The following PGAP4 variants were observed in gnomAD, a reference collection of about 807,000 sequenced individuals.
PGAP4 encodes GPI-N-acetylgalactosamine transferase PGAP4.
Under a neutral mutation model 28.2 loss-of-function variants are expected in PGAP4, and 12 were observed. The observed-to-expected ratio is 0.42, with a 90% CI of 0.27 to 0.69. PGAP4 has a LOEUF of 0.69. Among genes scored for constraint, PGAP4 ranks in the 30% least tolerant of loss-of-function variants. PGAP4 has a pLI of 0.22. For synonymous variants in PGAP4, 205 were observed against 211.8 expected (o/e 0.97, Z 0.28); for missense variants, 425 against 513.5 (o/e 0.83, Z 1.67).
Position 101,532,050 on chromosome 9 carries a change from G to A in PGAP4, c.-376-491C>T, listed in dbSNP as rs529026969. Among the ~76,000 whole-genome samples the A allele has an allele frequency of 9.9e-5, 15 of 152,266 alleles. No individual in the cohort carries two copies. The South Asian group carries it at 1.2e-3, about 13-fold the overall frequency. ...TTTGGGAGGCTGAGGTGGATGGATC[G>A]TCCGAGGTCAGGAGTTTGAGACCGG... On this transcript the variant is annotated intron_variant, in intron 1 of 3. Transcript: ENST00000374851.
In PGAP4 at chr9:101,486,369, C is replaced by T. The variant is rs1289923551; in HGVS notation, c.-78+580G>A. ...TGGTTTTTCCTGGTCCTGGGAGGGA[C>T]GCCTTCCTCTGCCCAGTCGCCCTCC... On this transcript the variant is annotated intron_variant, in intron 1 of 1. Transcript: ENST00000374848. This position sits in a 1 kb window ranked among gnomAD's most constrained non-coding sequence, Gnocchi z 4.7. 6.6e-6 allele frequency among the ~76,000 whole-genome samples: 1 copy of T among 152,182 alleles called. No homozygotes were observed. The highest frequency in any genetic ancestry group is 1.5e-5 in the Non-Finnish European group (1 of 68,020).
intron 2 of PGAP4, among the ~76,000 whole-genome samples, chr9:101,495,607 G>C (rs1467530574): frequency 6.7e-6 from 1 of 148,934 alleles, no homozygotes; most frequent in East Asian, 1.9e-4. Context: ...GTTTAAAACA[G>C]AATTACAGGT....
At chr9:101,501,735 G>A (rs1484448109) in intron 2 of PGAP4, 2 of 519,054 alleles carry the variant, frequency 3.9e-6, no homozygotes, top group African/African-American at 1.9e-5. Flanking sequence ...TTGTTCCAGG[G>A]CTCTGGGTTA....
rs139045901 is a variant in PGAP4 at position 101,508,795 on chromosome 9, C to T, written c.-164-19595G>A. Among the ~76,000 whole-genome samples the T allele has an allele frequency of 2.0e-3, 308 of 152,230 alleles. 2 individuals are homozygous for T. In the Middle Eastern group the frequency reaches 0.02, roughly 10 times the overall value. On this transcript the variant is annotated intron_variant, in intron 2 of 3. Transcript: ENST00000374851. ...ATGCAGAATCTACGGGAGCCCTGAG[C>T]TCGTTTTCCTGCAATTAGATGGCCC...
At chr9:101,501,712 A>G (rs567168437) in intron 2 of PGAP4, 1 of 519,318 alleles carries the variant, frequency 1.9e-6, no homozygotes, top group Admixed American at 1.9e-5. Flanking sequence ...TGTATAGATC[A>G]TTGGGACCCA....
intron 2 of PGAP4, among the ~76,000 whole-genome samples, chr9:101,530,330 C>T (rs959238678): frequency 6.6e-6 from 1 of 151,876 alleles, no homozygotes; most frequent in Non-Finnish European, 1.5e-5. Flanking sequence ...TAATGAAGAC[C>T]GGCTGGAGGT....
At chr9:101,512,371 T>C (rs1238529639) in intron 2 of PGAP4, among the ~76,000 whole-genome samples, 4 of 152,150 alleles carry the variant, frequency 2.6e-5, no homozygotes, top group Admixed American at 1.3e-4. Context: ...GCTTTAACCC[T>C]TACAAAGAAA....
rs116857614 is a variant in PGAP4, at chr9:101,526,306, A to T, written c.-165+5042T>A. Among the ~76,000 whole-genome samples, 81 of 152,358 alleles carry T rather than the reference A, an allele frequency of 5.3e-4. 2 individuals carry two copies. In the East Asian group the frequency reaches 9.6e-3, roughly 18 times the overall value. On this transcript the variant is annotated intron_variant, in intron 2 of 3. Coordinates refer to the PGAP4 transcript ENST00000374851. The stretch of plus-strand genomic sequence containing the variant: ...GAAAAAGAGAAAGGGAATAGTCTTC[A>T]AGGTTAACTGAATATTTGAAATGTC...
chr9:101,513,528 T>C (rs1447083206), intron 2 of PGAP4, among the ~76,000 whole-genome samples: 7 of 152,204 alleles, frequency 4.6e-5, no homozygotes, highest in Non-Finnish European at 1.5e-5. Context: ...CCCACAGATG[T>C]GCTAAGTGCC....
intron 1 of PGAP4, among the ~76,000 whole-genome samples, chr9:101,480,429 T>G (rs1414927349): frequency 2.0e-5 from 3 of 152,128 alleles, no homozygotes; most frequent in Non-Finnish European, 4.4e-5. Context: ...AGGGGAATAG[T>G]GCACCACAAG....
chr9:101,515,892 T>C (rs1034873304), intron 2 of PGAP4, among the ~76,000 whole-genome samples: 7 of 152,130 alleles, frequency 4.6e-5, no homozygotes, highest in African/African-American at 1.7e-4. Flanking sequence ...GACTAGTTAA[T>C]GATAGTGTAT....
At chr9:101,492,122 A>T (rs111261707), upstream of PGAP4, among the ~76,000 whole-genome samples, 50 of 151,536 alleles carry the variant, frequency 3.3e-4, no homozygotes, top group African/African-American at 4.8e-5. Flanking sequence ...TTTGTTTCAT[A>T]TGTTTTTTGC....
chr9:101,502,480 C>T (rs1826812074), intron 2 of PGAP4, among the ~76,000 whole-genome samples: 1 of 151,948 alleles, frequency 6.6e-6, no homozygotes, highest in South Asian at 2.1e-4. Flanking sequence ...CAGCCAAATA[C>T]CTCCAATGAC....
At chr9:101,516,582 C>T (rs1826945194) in intron 2 of PGAP4, among the ~76,000 whole-genome samples, 1 of 152,092 alleles carries the variant, frequency 6.6e-6, no homozygotes, top group Non-Finnish European at 1.5e-5. Flanking sequence ...TTAAATGGTG[C>T]AATTTAAATT....
chr9:101,504,216 T>G (rs1202205646), intron 2 of PGAP4, among the ~76,000 whole-genome samples: 3,095 of 134,390 alleles, frequency 0.023, 127 homozygotes, highest in Admixed American at 0.035. Flanking sequence ...TTTGTTTTTT[T>G]TTTTTTTTTT....
chr9:101,514,279 G>A (rs563018329), intron 2 of PGAP4, among the ~76,000 whole-genome samples: 4 of 152,094 alleles, frequency 2.6e-5, no homozygotes, highest in South Asian at 2.1e-4. Context: ...CATTCCTTTC[G>A]TGTCTCTCAT....
At chr9:101,504,338 T>C (rs1286649038) in intron 2 of PGAP4, among the ~76,000 whole-genome samples, 1 of 151,472 alleles carries the variant, frequency 6.6e-6, no homozygotes, top group African/African-American at 2.4e-5. Context: ...AGTTTCCCTG[T>C]ATTTGTAGGT....
intron 2 of PGAP4, among the ~76,000 whole-genome samples, chr9:101,516,504 A>T (rs563381865): frequency 6.6e-6 from 1 of 152,146 alleles, no homozygotes; most frequent in Non-Finnish European, 1.5e-5. Flanking sequence ...TTGCCAAATG[A>T]TTGGAATTGT....
chr9:101,523,619 CTTT>C (rs71356369), intron 2 of PGAP4, among the ~76,000 whole-genome samples: 64 of 59,290 alleles, frequency 1.1e-3, no homozygotes, highest in African/African-American at 2.6e-3. Context: ...CTTCTTGTAT[CTTT>C]TTTTTTTTTT....
Sources: allele counts gnomAD v4.1 joint callset (sites outside exome capture counted in the v4.1 genomes callset), GRCh38; gene constraint gnomAD v4.1.1; non-coding constraint Gnocchi (gnomAD v3.1); transcripts MANE v1.5; gene names NCBI Gene and HGNC (gene_info 2026-07-23, HGNC 2026-07-21).